The following THAP9 variants were observed in gnomAD, a reference collection of about 807,000 sequenced individuals.
THAP9 encodes the protein THAP domain containing 9, also known as DNA transposase THAP9.
Under a neutral mutation model 35.7 loss-of-function variants are expected in THAP9, and 20 were observed. The observed-to-expected ratio is 0.56, with a 90% CI of 0.39 to 0.81. The LOEUF (loss-of-function observed/expected upper bound fraction) is 0.81, where lower values mean the gene tolerates loss of function less well. Among genes scored for constraint, THAP9 ranks in the 40% least tolerant of loss-of-function variants. THAP9 has a pLI of 0.00. For synonymous variants in THAP9, 335 were observed against 373.7 expected (o/e 0.90, Z 1.19); for missense variants, 870 against 1,047.4 (o/e 0.83, Z 2.34).
chr4:82,917,958 G>C lies in THAP9; in HGVS notation c.1746G>C (p.Glu582Asp). Residue 582 changes from glutamate (E) to aspartate (D), a missense_variant, in exon 5 of 5, where the codon GAG becomes GAC. By Grantham distance (45) the Glu-to-Asp change is conservative. Transcript: ENST00000302236. ...TCCTGGGATTTTTGCTCAATGCTGA[G>C]AGCTTAAAATGGCTCTACCAAAATT... is the stretch of plus-strand genomic sequence containing the variant. The part of the protein sequence containing the change: ...LGFLGFLLNA[E>D]SLKWLYQNYV... 6.2e-7 allele frequency: 1 copy of C among 1,613,972 alleles called. No homozygotes were observed. Among genetic ancestry groups the C allele is most frequent in the Middle Eastern group, 1.6e-4 (1 of 6,062 alleles).
rs757128518 is a variant in THAP9 at position 82,917,524 on chromosome 4, A to G, written c.1312A>G (p.Ile438Val). ...NFQSIQFING[I>V]AHWQHLVELV... ...TCAAAGCATTCAGTTTATTAATGGTATAGCACATTGGCAGCACCTCGTGGA... is the reference window on the plus strand; with the variant it reads ...TCAAAGCATTCAGTTTATTAATGGTGTAGCACATTGGCAGCACCTCGTGGA... Residue 438 changes from isoleucine (I) to valine (V), a missense_variant, in exon 5 of 5, where the codon ATA (isoleucine) becomes GTA (valine). By Grantham distance (29) the Ile-to-Val change is conservative (BLOSUM62 3). This residue lies in a region of THAP9 where 16 missense variants were observed against 45.5 expected (regional missense o/e 0.35). Coordinates refer to ENST00000302236, the MANE Select transcript of THAP9 (RefSeq NM_024672.6). 12 of 1,613,754 alleles carry G rather than the reference A, an allele frequency of 7.4e-6. No individual in the cohort carries two copies. The South Asian group carries it at 7.7e-5, about 10-fold the overall frequency.
chr4:82,902,177 C>G, intron 1 of THAP9, among the ~76,000 whole-genome samples: 1 of 132,762 alleles, frequency 7.5e-6, no homozygotes, highest in Non-Finnish European at 1.5e-5. Flanking sequence ...GGCACTATCA[C>G]AGCTCAGCGC....
intron 2 of THAP9, chr4:82,905,791 C>G: frequency 2.2e-6 from 1 of 449,194 alleles, no homozygotes; most frequent in Non-Finnish European, 4.5e-6. Context: ...AGGCATTGTA[C>G]TAGGAGATTT....
Position 82,917,845 on chromosome 4 carries a change from C to G in THAP9, c.1633C>G (p.His545Asp), listed in dbSNP as rs764957527. 2.5e-6 allele frequency: 4 copies of G among 1,613,290 alleles called. No homozygotes were observed. The Admixed American group carries it at 6.7e-5, about 27-fold the overall frequency. ...GCCTGAAACTTACAGTAAAATAAACCACGTGTTAATTGAAGCCAAGACTAT... is the reference window on the plus strand; with the variant it reads ...GCCTGAAACTTACAGTAAAATAAACGACGTGTTAATTGAAGCCAAGACTAT... ...LLPETYSKIN[H>D]VLIEAKTIFV... Residue 545 changes from histidine (H) to aspartate (D), a missense_variant, in exon 5 of 5, where the codon CAC becomes GAC. His to Asp is a moderately conservative substitution (Grantham distance 81, BLOSUM62 -1). Coordinates refer to ENST00000302236, the MANE Select transcript of THAP9 (RefSeq NM_024672.6).
chr4:82,914,451 A>G (rs1405308034), intron 4 of THAP9, among the ~76,000 whole-genome samples: 1 of 152,218 alleles, frequency 6.6e-6, no homozygotes, highest in Non-Finnish European at 1.5e-5. Flanking sequence ...TGTATAAGTA[A>G]GTTTTCCCAT....
intron 4 of THAP9, among the ~76,000 whole-genome samples, chr4:82,911,971 C>T (rs1720881674): frequency 6.6e-6 from 1 of 151,934 alleles, no homozygotes; most frequent in African/African-American, 2.4e-5. Context: ...TTTTTAAAAC[C>T]CTTGGTTTGG....
chr4:82,901,422 C>T (rs1720364317), intron 1 of THAP9, among the ~76,000 whole-genome samples: 1 of 152,070 alleles, frequency 6.6e-6, no homozygotes, highest in Non-Finnish European at 1.5e-5. Flanking sequence ...ATCCATGGTT[C>T]AGACTGGTAT....
Position 82,918,421 on chromosome 4 carries a change from AC to A in THAP9, c.2210del (p.Thr737MetfsTer36), listed in dbSNP as rs1237593679. On this transcript the variant is annotated frameshift_variant, in exon 5 of 5. Coordinates refer to ENST00000302236, the MANE Select transcript of THAP9 (RefSeq NM_024672.6). LOFTEE classifies it high-confidence loss of function. ...TCTTTTAACTTGTGAGGACTGCATC[AC>A]TGCACTGTATGCATCGGATCTCAAA... ...SALLTCEDCI[T>X]ALYASDLKAS... The A allele has an allele frequency of 6.2e-7, 1 of 1,614,072 alleles. No individual in the cohort carries two copies. Among genetic ancestry groups the A allele is most frequent in the African/African-American group, 1.3e-5 (1 of 74,944 alleles).
At position 82,918,787 on chromosome 4, in the gene THAP9, C is replaced by A. The variant is rs1369280687; in HGVS notation, c.2575C>A (p.His859Asn). 1 of 1,613,754 alleles carries A rather than the reference C, an allele frequency of 6.2e-7. No homozygotes were observed. Among genetic ancestry groups the A allele is most frequent in the Admixed American group, 1.7e-5 (1 of 60,006 alleles). The change falls in exon 5 of 5, where the codon CAT becomes AAT. Residue 859 changes from histidine to asparagine, a missense_variant. Physicochemically the swap from His to Asn is moderately conservative, Grantham distance 68. Coordinates refer to ENST00000302236, the MANE Select transcript of THAP9 (RefSeq NM_024672.6). The stretch of plus-strand genomic sequence containing the variant: ...TGTTGCACAGAATCCTTTAAAACAT[C>A]ATTCAGAGAGAACTGATATGAAAAC... The part of the protein sequence containing the change: ...KNVAQNPLKH[H>N]SERTDMKTLS...
chr4:82,910,690 T>A, intron 4 of THAP9: 1 of 574,730 alleles, frequency 1.7e-6, no homozygotes, highest in Non-Finnish European at 2.9e-6. Flanking sequence ...AAATATTTAT[T>A]GATCAGGAGC....
chr4:82,909,918 G>T (rs1020005239), intron 4 of THAP9: 1 of 151,960 alleles, frequency 6.6e-6, no homozygotes, highest in African/African-American at 2.4e-5. Flanking sequence ...TCAAATCAGG[G>T]TAATTAAAAT....
chr4:82,912,062 T>C (rs151262645), intron 4 of THAP9, among the ~76,000 whole-genome samples: 2 of 152,392 alleles, frequency 1.3e-5, no homozygotes, highest in East Asian at 1.9e-4. Context: ...TCTAATTTTC[T>C]CTTTACTGAT....
chr4:82,906,732 G>C, intron 3 of THAP9, 105 bp downstream of exon 3: 4 of 1,115,816 alleles, frequency 3.6e-6, no homozygotes, highest in Non-Finnish European at 4.9e-6. Context: ...CTTTCAGTTG[G>C]GAAGTGAAAG....
chr4:82,901,102 G>T lies in THAP9; in HGVS notation c.80+220G>T, dbSNP rs140506730. 879 of 702,894 alleles carry T rather than the reference G, an allele frequency of 1.3e-3. 2 individuals are homozygous for T. In the African/African-American group the frequency reaches 0.013, roughly 11 times the overall value. 43.5% of individuals were successfully genotyped at this position (702,894 alleles called of 1,614,324 possible). A position where few individuals can be genotyped will look rare whatever the true frequency, so the allele number is the denominator to read the frequency against. Reference sequence around the variant, plus strand: ...GTTTACCTCTGAATAGCCGGTTCTCGCACCGCCTACCGCTTTAAGGAGAGT... The same window carrying T: ...GTTTACCTCTGAATAGCCGGTTCTCTCACCGCCTACCGCTTTAAGGAGAGT... On this transcript the variant is annotated intron_variant, in intron 1 of 4. Coordinates refer to ENST00000302236, the MANE Select transcript of THAP9 (RefSeq NM_024672.6).
chr4:82,901,561 G>A (rs1049231286), intron 1 of THAP9, among the ~76,000 whole-genome samples: 3 of 152,140 alleles, frequency 2.0e-5, no homozygotes, highest in Non-Finnish European at 4.4e-5. Flanking sequence ...GGTAGGAAGA[G>A]GGTAGTTAGG....
intron 1 of THAP9, among the ~76,000 whole-genome samples, chr4:82,902,803 A>C (rs2126010772): frequency 6.6e-6 from 1 of 152,324 alleles, no homozygotes; most frequent in African/African-American, 2.4e-5. Context: ...TGTTCTTAGG[A>C]AAGATCGAAC....
At chr4:82,911,658 C>T (rs6843050) in intron 4 of THAP9, among the ~76,000 whole-genome samples, 81,295 of 152,026 alleles carry the variant, frequency 0.53, 23,701 homozygotes, top group East Asian at 0.78. Context: ...CTCAAGCAGT[C>T]GTCCAGTCAG....
chr4:82,917,585 T>C lies in THAP9; in HGVS notation c.1373T>C (p.Met458Thr), dbSNP rs1721081447. ...VALEEQELSN[M>T]ERIPSTLANL... ...CTGGAGGAACAGGAATTATCAAATA[T>C]GGAAAGAATACCAAGTACACTTGCA... The change falls in exon 5 of 5, where the codon ATG becomes ACG. Residue 458 changes from methionine to threonine, a missense_variant. By Grantham distance (81) the Met-to-Thr change is moderately conservative (BLOSUM62 -1). This residue lies in a region of THAP9 where 16 missense variants were observed against 45.5 expected (regional missense o/e 0.35). Coordinates refer to ENST00000302236, the MANE Select transcript of THAP9 (RefSeq NM_024672.6). The C allele has an allele frequency of 1.2e-6, 2 of 1,614,072 alleles. No individual in the cohort carries two copies. The highest frequency in any genetic ancestry group is 1.7e-6 in the Non-Finnish European group (2 of 1,179,970).
rs1340662008 is a variant in THAP9 at position 82,918,705 on chromosome 4, C to G, written c.2493C>G (p.His831Gln). The G allele has an allele frequency of 6.2e-7, 1 of 1,613,990 alleles. No individual in the cohort carries two copies. The highest frequency in any genetic ancestry group is 1.7e-5 in the Admixed American group (1 of 60,028). Residue 831 changes from histidine (H) to glutamine (Q), a missense_variant, in exon 5 of 5, where the codon CAC (histidine) becomes CAG (glutamine). By Grantham distance (24) the His-to-Gln change is conservative (BLOSUM62 0). Coordinates refer to ENST00000302236, the MANE Select transcript of THAP9 (RefSeq NM_024672.6). ...LFDGEVCAIN[H>Q]FVKLLKDIII... Reference sequence around the variant, plus strand: ...ATGGAGAAGTGTGTGCCATCAATCACTTTGTCAAGTTGCTAAAGGATATAA... The same window carrying G: ...ATGGAGAAGTGTGTGCCATCAATCAGTTTGTCAAGTTGCTAAAGGATATAA...
Sources: gnomAD v4.1 joint callset for allele counts (sites outside exome capture counted in the v4.1 genomes callset) on GRCh38, gnomAD v4.1.1 for gene constraint, gnomAD v4.1.1 regional missense constraint, MANE v1.5 for transcripts, NCBI Gene and HGNC (gene_info 2026-07-23, HGNC 2026-07-21) for gene names.